Variants in PLEKHH1 observed in about 807,000 individuals in gnomAD.
The protein encoded by PLEKHH1 is pleckstrin homology domain-containing family H member 1.
In PLEKHH1, 104 loss-of-function variants were observed where a neutral mutation model predicts 160.0. The ratio of observed to expected loss-of-function variants is 0.65; its 90% CI spans 0.55 to 0.76. The LOEUF (loss-of-function observed/expected upper bound fraction) is 0.76. PLEKHH1 is among the 30% of genes least tolerant of loss of function. The pLI is 0.00. For missense variants in PLEKHH1, 1,427 were observed against 1,724.1 expected (o/e 0.83, Z 3.05); for synonymous variants, 619 against 678.4 (o/e 0.91, Z 1.36).
In PLEKHH1 at chr14:67,577,443, G is replaced by A. The variant is rs199726078; in HGVS notation, c.2574+29G>A. The A allele has an allele frequency of 1.6e-4, 211 of 1,353,360 alleles. 1 individual carries two copies. The African/African-American group carries it at 1.9e-3, about 12-fold the overall frequency. The allele number at this position is 1,353,360 out of a possible 1,614,324, so 83.8% of individuals were successfully genotyped here. A position where few individuals can be genotyped will look rare whatever the true frequency, so the allele number is the denominator to read the frequency against. ...AATTGGGGTGGCGGCCAGGCCCACCGCTGGGATACTTGCAATACTTGGGTG... is the reference window on the plus strand; with the variant it reads ...AATTGGGGTGGCGGCCAGGCCCACCACTGGGATACTTGCAATACTTGGGTG... On this transcript the variant is annotated intron_variant, in intron 18 of 28. Transcript: ENST00000329153.
At position 67,585,601 on chromosome 14, in the gene PLEKHH1, G is replaced by A; in HGVS notation, c.3733G>A (p.Val1245Met). Residue 1245 changes from valine (V) to methionine (M), a missense_variant, in exon 27 of 29, where the codon GTG (valine) becomes ATG (methionine). By Grantham distance (21) the Val-to-Met change is conservative (BLOSUM62 1). Transcript: ENST00000329153. ...AQLSSKENAL[V>M]WIAVNEDGVS... Reference sequence around the variant, plus strand: ...GCTGTCTTCCAAGGAGAACGCTCTGGTGTGGATTGCTGTGAATGAGGATGG... The same window carrying A: ...GCTGTCTTCCAAGGAGAACGCTCTGATGTGGATTGCTGTGAATGAGGATGG... 1 of 1,586,022 alleles carries A rather than the reference G, an allele frequency of 6.3e-7. No homozygotes were observed. Among genetic ancestry groups the A allele is most frequent in the Non-Finnish European group, 8.6e-7 (1 of 1,165,126 alleles).
chr14:67,579,156 A>G lies in PLEKHH1; in HGVS notation c.2872A>G (p.Thr958Ala). 6.2e-7 allele frequency: 1 copy of G among 1,606,190 alleles called. No individual in the cohort carries two copies. The highest frequency in any genetic ancestry group is 8.5e-7 in the Non-Finnish European group (1 of 1,177,194). Residue 958 changes from threonine (T) to alanine (A), a missense_variant, in exon 21 of 29, where the codon ACC becomes GCC. By Grantham distance (58) the Thr-to-Ala change is moderately conservative. Around this residue, in one of 6 missense-constraint regions of PLEKHH1, gnomAD observed 436 missense variants for 607.5 expected, o/e 0.72. Coordinates refer to ENST00000329153, the MANE Select transcript of PLEKHH1 (RefSeq NM_020715.3). ...TAGAAGTGAAACTGGCCAGTATGCC[A>G]CCTACTGCCAGCGGGCAGTGGAGCG... ...DPRSETGQYA[T>A]YCQRAVERTL...
At chr14:67,577,506 A>G in intron 18 of PLEKHH1, 92 bp downstream of exon 18, 1 of 814,258 alleles carries the variant, frequency 1.2e-6, no homozygotes, top group Non-Finnish European at 2.0e-6. Context: ...CCACAGAGGG[A>G]TCTGGAGAGG....
chr14:67,583,740 G>T lies in PLEKHH1; in HGVS notation c.3427-1G>T. The T allele has an allele frequency of 1.9e-6, 3 of 1,610,198 alleles. No individual in the cohort carries two copies. Among genetic ancestry groups the T allele is most frequent in the Non-Finnish European group, 1.7e-6 (2 of 1,178,118 alleles). ...GGTCTCTTCATATGCTTCTACCACA[G>T]GTAGAATATGGGGACTTGGAGAAGC... On this transcript the variant is annotated splice_acceptor_variant, in intron 24 of 28. Coordinates refer to ENST00000329153, the MANE Select transcript of PLEKHH1 (RefSeq NM_020715.3). LOFTEE classifies it high-confidence loss of function.
intron 4 of PLEKHH1, among the ~76,000 whole-genome samples, chr14:67,558,142 C>T (rs950737534): frequency 6.6e-6 from 1 of 152,220 alleles, no homozygotes; most frequent in African/African-American, 2.4e-5. Context: ...CCTGCCTTCT[C>T]CCCTTCACAA....
intron 2 of PLEKHH1, among the ~76,000 whole-genome samples, chr14:67,546,576 G>C (rs964045869): frequency 2.0e-5 from 3 of 152,122 alleles, no homozygotes; most frequent in Non-Finnish European, 4.4e-5. Context: ...TTTTGGTAGA[G>C]ATGGAGTTTC....
chr14:67,543,184 C>T (rs540705827), intron 2 of PLEKHH1, among the ~76,000 whole-genome samples: 30 of 152,310 alleles, frequency 2.0e-4, no homozygotes, highest in Non-Finnish European at 3.5e-4. Context: ...GAAAATTCAG[C>T]TCACACCTCT....
At position 67,579,982 on chromosome 14, in the gene PLEKHH1, G is replaced by A. The variant is rs993447226; in HGVS notation, c.3183+106G>A. The A allele has an allele frequency of 8.2e-6, 9 of 1,100,882 alleles. No homozygotes were observed. In the Admixed American group the frequency reaches 1.6e-4, roughly 19 times the overall value. The allele number at this position is 1,100,882 out of a possible 1,614,324, so 68.2% of individuals were successfully genotyped here. On this transcript the variant is annotated intron_variant, in intron 22 of 28. Coordinates refer to ENST00000329153, the MANE Select transcript of PLEKHH1 (RefSeq NM_020715.3). Reference sequence around the variant, plus strand: ...GTCTGACTGTTTGGTAGCTCATTTGGTGCTGAGCCCAAGGTGCTGCCCTAG... The same window carrying A: ...GTCTGACTGTTTGGTAGCTCATTTGATGCTGAGCCCAAGGTGCTGCCCTAG...
chr14:67,576,658 C>T lies in PLEKHH1; in HGVS notation c.2461+155C>T, dbSNP rs2035635789. On this transcript the variant is annotated intron_variant, in intron 17 of 28. Coordinates refer to ENST00000329153, the MANE Select transcript of PLEKHH1 (RefSeq NM_020715.3). This position sits in a 1 kb window ranked among gnomAD's most constrained non-coding sequence, Gnocchi z 4.0. ...TTCCCATCCAAGCTCCAGGGCCCCT[C>T]TGTCTCCGGCTGAGATACTAAGGTG... Among the ~76,000 whole-genome samples, 1 of 152,212 alleles carries T rather than the reference C, an allele frequency of 6.6e-6. No homozygotes were observed. The highest frequency in any genetic ancestry group is 2.4e-5 in the African/African-American group (1 of 41,448).
At chr14:67,583,486 G>T (rs1287616008) in intron 24 of PLEKHH1, among the ~76,000 whole-genome samples, 1 of 152,160 alleles carries the variant, frequency 6.6e-6, no homozygotes, top group African/African-American at 2.4e-5. Context: ...AATTAACTGT[G>T]TCTTTGGAAA....
chr14:67,572,329 T>A, intron 11 of PLEKHH1, 52 bp downstream of exon 11: 2 of 1,444,736 alleles, frequency 1.4e-6, no homozygotes, highest in Non-Finnish European at 1.8e-6. Flanking sequence ...CAGCAGAGGC[T>A]GCTGGGGCCC....
intron 21 of PLEKHH1, 40 bp downstream of exon 21, chr14:67,579,351 C>G: frequency 1.4e-6 from 2 of 1,422,918 alleles, no homozygotes; most frequent in Non-Finnish European, 1.9e-6. Flanking sequence ...AGTCTTCTCA[C>G]GTCACCATCC....
chr14:67,553,275 A>G (rs868322944), intron 2 of PLEKHH1, among the ~76,000 whole-genome samples: 30 of 152,166 alleles, frequency 2.0e-4, no homozygotes, highest in Non-Finnish European at 2.9e-5. Flanking sequence ...AACCTAGGAA[A>G]CTTATTGAGG....
chr14:67,574,361 T>C lies in PLEKHH1; in HGVS notation c.2046T>C (p.Leu682=). ...AGGCCACCGGGCCTCCAGCTCTGCTTCGGGGTGGCACCAAGCCCACCGTGA... is the reference window on the plus strand; with the variant it reads ...AGGCCACCGGGCCTCCAGCTCTGCTCCGGGGTGGCACCAAGCCCACCGTGA... ...KVQATGPPAL[L]RGGTKPTVKG... The change falls in exon 14 of 29, where the codon CTT becomes CTC. Residue 682 remains leucine, a synonymous_variant. Transcript: ENST00000329153. This position sits in a 1 kb window ranked among gnomAD's most constrained non-coding sequence, Gnocchi z 4.2. 1.3e-6 allele frequency: 2 copies of C among 1,593,932 alleles called. No homozygotes were observed. Among genetic ancestry groups the C allele is most frequent in the Non-Finnish European group, 1.7e-6 (2 of 1,170,194 alleles).
rs2036117130 is a variant in PLEKHH1 at position 67,585,642 on chromosome 14, C to G, written c.3774C>G (p.Asp1258Glu). The G allele has an allele frequency of 1.3e-6, 2 of 1,565,998 alleles. No individual in the cohort carries two copies. The change falls in exon 27 of 29, where the codon GAC becomes GAG. Residue 1258 changes from aspartate to glutamate, a missense_variant. Around this residue, in one of 6 missense-constraint regions of PLEKHH1, gnomAD observed 56 missense variants for 53.0 expected, o/e 1.06. Transcript: ENST00000329153. ...AVNEDGVSIL[D>E]HNTMQVHITY... is the part of the protein sequence containing the mutation. ...ATGAGGATGGCGTCAGCATCCTGGA[C>G]CACAACACTATGGTATGAAAGGATG...
chr14:67,536,112 C>T (rs906266066), intron 1 of PLEKHH1, among the ~76,000 whole-genome samples: 1 of 148,882 alleles, frequency 6.7e-6, no homozygotes, highest in African/African-American at 2.6e-5. Flanking sequence ...GAATGTTGTA[C>T]CTGGTTGTCC....
chr14:67,561,235 G>A (rs1415854514), intron 5 of PLEKHH1, among the ~76,000 whole-genome samples: 1 of 152,196 alleles, frequency 6.6e-6, no homozygotes, highest in Admixed American at 6.5e-5. Context: ...CTCAATAAAA[G>A]TGTGTTGGAC....
chr14:67,578,369 T>C lies in PLEKHH1; in HGVS notation c.2752-165T>C, dbSNP rs935250763. 4.6e-5 allele frequency among the ~76,000 whole-genome samples: 7 copies of C among 152,130 alleles called. No individual in the cohort carries two copies. The highest frequency in any genetic ancestry group is 1.4e-4 in the African/African-American group (6 of 41,418). ...GAGCTGTCTATGCACAGATGGGTGA[T>C]TGCATTCTGGACACAGCCTGACCAA... is the stretch of plus-strand genomic sequence containing the variant. On this transcript the variant is annotated intron_variant, in intron 19 of 28. Coordinates refer to ENST00000329153, the MANE Select transcript of PLEKHH1 (RefSeq NM_020715.3). This position sits in a 1 kb window ranked among gnomAD's most constrained non-coding sequence, Gnocchi z 5.0.
intron 2 of PLEKHH1, among the ~76,000 whole-genome samples, chr14:67,554,105 C>T (rs2034501327): frequency 6.6e-6 from 1 of 152,118 alleles, no homozygotes; most frequent in Non-Finnish European, 1.5e-5. Context: ...TCTGTGTCTC[C>T]CCAGTCCCAG....
Sources: allele counts gnomAD v4.1 joint callset (sites outside exome capture counted in the v4.1 genomes callset), GRCh38; gene constraint gnomAD v4.1.1; regional missense constraint gnomAD v4.1.1; non-coding constraint Gnocchi (gnomAD v3.1); transcripts MANE v1.5; gene names NCBI Gene and HGNC (gene_info 2026-07-23, HGNC 2026-07-21).